Variants in DNAH9 observed in about 807,000 individuals in gnomAD.
DNAH9 encodes DNAH9 variant protein.
In DNAH9, 345 loss-of-function variants were observed where a neutral mutation model predicts 471.6. The observed-to-expected ratio is 0.73, with a 90% CI of 0.67 to 0.80. The LOEUF is 0.80. Among genes scored for constraint, DNAH9 ranks in the 30% least tolerant of loss-of-function variants. The pLI is 0.00. For missense variants in DNAH9, 5,407 were observed against 5,609.2 expected, an observed-to-expected ratio of 0.96 and a Z score of 1.15; for synonymous variants, 2,093 against 2,123.6, an observed-to-expected ratio of 0.99 and a Z score of 0.40.
intron 19 of DNAH9, among the ~76,000 whole-genome samples, chr17:11,685,804 T>G (rs2074233124): frequency 6.8e-6 from 1 of 146,554 alleles, no homozygotes; most frequent in African/African-American, 2.5e-5. Flanking sequence ...TACATTAATT[T>G]TTTTTTTTTT....
Position 11,720,273 on chromosome 17 carries a change from A to G in DNAH9, c.5709+783A>G, listed in dbSNP as rs200042295. ...TTTTTCTTTTTTTAATTATACTTTA[A>G]GTTCTAGGGTACATGTGCACAACGT... On this transcript the variant is annotated intron_variant, in intron 27 of 68. Coordinates refer to ENST00000262442, the MANE Select transcript of DNAH9 (RefSeq NM_001372.4). Among the ~76,000 whole-genome samples, 130 of 151,258 alleles carry G rather than the reference A, an allele frequency of 8.6e-4. 3 individuals are homozygous for G. The highest frequency in any genetic ancestry group is 8.4e-3 in the Admixed American group (127 of 15,174).
At chr17:11,745,692 T>C (rs959979430) in intron 31 of DNAH9, among the ~76,000 whole-genome samples, 1 of 152,104 alleles carries the variant, frequency 6.6e-6, no homozygotes, top group Admixed American at 6.5e-5. Flanking sequence ...AAAAATGATA[T>C]CCATCAAACA....
chr17:11,880,926 T>C (rs1597783787), intron 54 of DNAH9, among the ~76,000 whole-genome samples: 1 of 152,296 alleles, frequency 6.6e-6, no homozygotes, highest in East Asian at 1.9e-4. Flanking sequence ...CACTGCCATC[T>C]GCTGGAAATT....
chr17:11,853,710 T>C (rs1371111939), intron 49 of DNAH9, among the ~76,000 whole-genome samples: 2 of 152,214 alleles, frequency 1.3e-5, no homozygotes, highest in Non-Finnish European at 2.9e-5. Context: ...GTCGGCATCC[T>C]TGTATTTCTC....
intron 24 of DNAH9, among the ~76,000 whole-genome samples, chr17:11,703,579 G>T (rs972073128): frequency 3.9e-5 from 6 of 152,224 alleles, no homozygotes; most frequent in South Asian, 4.1e-4. Context: ...CCAGCAAATA[G>T]AAGAAATATG....
At chr17:11,847,901 A>G (rs1015936038) in intron 49 of DNAH9, among the ~76,000 whole-genome samples, 2 of 151,074 alleles carry the variant, frequency 1.3e-5, no homozygotes, top group African/African-American at 4.9e-5. Flanking sequence ...CCCGGTAGTC[A>G]TTTCTTCGGC....
At chr17:11,613,909 C>T (rs944159204) in intron 4 of DNAH9, among the ~76,000 whole-genome samples, 1 of 152,150 alleles carries the variant, frequency 6.6e-6, no homozygotes, top group Non-Finnish European at 1.5e-5. Context: ...ATTAGTAGAT[C>T]AATAGACTAT....
At chr17:11,699,228 G>A (rs2074549421) in intron 22 of DNAH9, among the ~76,000 whole-genome samples, 3 of 152,082 alleles carry the variant, frequency 2.0e-5, no homozygotes, top group East Asian at 3.9e-4. Context: ...CAGCCTGGGC[G>A]ACAGAGCCAG....
At chr17:11,907,361 T>G (rs1051387797) in intron 61 of DNAH9, among the ~76,000 whole-genome samples, 8 of 151,538 alleles carry the variant, frequency 5.3e-5, no homozygotes, top group Admixed American at 2.6e-4. Flanking sequence ...TCCCAGCCAC[T>G]CAGGAGGCTG....
intron 15 of DNAH9, among the ~76,000 whole-genome samples, chr17:11,667,822 T>G (rs1445884697): frequency 1.3e-5 from 2 of 152,186 alleles, no homozygotes; most frequent in Non-Finnish European, 2.9e-5. Context: ...CACCATCATG[T>G]TGTCCTACAT....
intron 4 of DNAH9, 110 bp downstream of exon 4, chr17:11,611,890 C>CGA: frequency 9.5e-7 from 1 of 1,050,938 alleles, no homozygotes; most frequent in Non-Finnish European, 1.5e-6. Context: ...TGTAAATTTC[C>CGA]GACCCGACAC....
intron 49 of DNAH9, among the ~76,000 whole-genome samples, chr17:11,839,494 C>T (rs560520899): frequency 6.7e-6 from 1 of 149,134 alleles, no homozygotes; most frequent in African/African-American, 2.5e-5. Flanking sequence ...CCAGCCTGGG[C>T]AACAGAGCGA....
chr17:11,797,739 A>G lies in DNAH9; in HGVS notation c.8366A>G (p.Asn2789Ser), dbSNP rs145239685. 4.3e-5 allele frequency: 70 copies of G among 1,614,106 alleles called. No homozygotes were observed. Among genetic ancestry groups the G allele is most frequent in the African/African-American group, 1.2e-4 (9 of 74,952 alleles). The change falls in exon 43 of 69, where the codon AAT (asparagine) becomes AGT (serine). Residue 2789 changes from asparagine (N) to serine (S), a missense_variant. Physicochemically the swap from Asn to Ser is conservative, Grantham distance 46. Coordinates refer to ENST00000262442, the MANE Select transcript of DNAH9 (RefSeq NM_001372.4). ...QTLVEALENH[N>S]EVNTVMDLVL... Reference sequence around the variant, plus strand: ...CTGGTGGAGGCCTTGGAGAACCACAATGAAGTCAACACAGTGATGGACCTA... The same window carrying G: ...CTGGTGGAGGCCTTGGAGAACCACAGTGAAGTCAACACAGTGATGGACCTA...
intron 32 of DNAH9, among the ~76,000 whole-genome samples, chr17:11,750,064 T>C (rs1344963354): frequency 1.3e-5 from 2 of 152,194 alleles, no homozygotes; most frequent in African/African-American, 4.8e-5. Context: ...TTGGGAAAAT[T>C]GACAAGATAT....
At chr17:11,894,544 T>G in intron 59 of DNAH9, 48 bp downstream of exon 59, 1 of 1,597,496 alleles carries the variant, frequency 6.3e-7, no homozygotes, top group Non-Finnish European at 8.6e-7. Context: ...CTCTCAGAAT[T>G]TACCTCTGAC....
chr17:11,730,951 ATGATGG>A (rs1435233592), intron 28 of DNAH9, among the ~76,000 whole-genome samples: 2 of 133,146 alleles, frequency 1.5e-5, no homozygotes, highest in Admixed American at 7.7e-5. Context: ...GGTGATGATG[ATGATGG>A]TGGTGGTGAT....
intron 14 of DNAH9, among the ~76,000 whole-genome samples, chr17:11,659,712 C>T (rs889443731): frequency 6.6e-6 from 1 of 152,220 alleles, no homozygotes; most frequent in South Asian, 2.1e-4. Flanking sequence ...ATCTTTCTAC[C>T]CCTACATCAG....
chr17:11,683,275 G>A (rs2074169213), intron 19 of DNAH9, among the ~76,000 whole-genome samples: 1 of 152,180 alleles, frequency 6.6e-6, no homozygotes, highest in Admixed American at 6.5e-5. Context: ...CTGGATTCAA[G>A]TGATTTTCCT....
chr17:11,799,111 G>A (rs1226216248), intron 43 of DNAH9, among the ~76,000 whole-genome samples: 3 of 152,014 alleles, frequency 2.0e-5, no homozygotes, highest in Non-Finnish European at 4.4e-5. Context: ...TGGCTTGCTT[G>A]GCTCCCATGG....
Sources: allele counts gnomAD v4.1 joint callset (sites outside exome capture counted in the v4.1 genomes callset), GRCh38; gene constraint gnomAD v4.1.1; transcripts MANE v1.5; gene names NCBI Gene and HGNC (gene_info 2026-07-23, HGNC 2026-07-21).